Variants in LRBA observed in about 807,000 individuals in gnomAD.
The protein encoded by LRBA is LPS responsive beige-like anchor protein.
LRBA carries 176 observed loss-of-function variants against 330.0 expected under a neutral mutation model. The ratio of observed to expected loss-of-function variants is 0.53; its 90% CI spans 0.47 to 0.60. LRBA has a LOEUF of 0.60. LRBA is among the 20% of genes least tolerant of loss of function. The probability of loss-of-function intolerance (pLI) is 0.00; values close to 1 mark genes in which losing one functional copy is unlikely to be tolerated. For missense variants in LRBA, 3,259 were observed against 3,444.8 expected (o/e 0.95, Z 1.35); for synonymous variants, 1,230 against 1,193.0 (o/e 1.03, Z -0.64).
intron 48 of LRBA, among the ~76,000 whole-genome samples, chr4:150,331,938 A>G (rs1459581074): frequency 1.3e-5 from 2 of 152,164 alleles, no homozygotes; most frequent in Admixed American, 6.5e-5. Context: ...TCTGTGCCTT[A>G]ATTTCCTCTT....
intron 47 of LRBA, among the ~76,000 whole-genome samples, chr4:150,402,107 G>A (rs372573767): frequency 1.3e-5 from 2 of 148,298 alleles, no homozygotes; most frequent in East Asian, 2.0e-4. Context: ...TGACTAACAC[G>A]GTGAAATGCC....
chr4:150,264,903 G>A lies in LRBA; in HGVS notation c.*819C>T, dbSNP rs879784147. ...CTATTTGCAAACCCGGGGAGGGAAGGGGGTGCCCCAACAAAACAACAGTGG... is the reference window on the plus strand; with the variant it reads ...CTATTTGCAAACCCGGGGAGGGAAGAGGGTGCCCCAACAAAACAACAGTGG... On this transcript the variant is annotated 3_prime_UTR_variant, in exon 57 of 57. Transcript: ENST00000651943. 2 of 37,916 alleles carry A rather than the reference G, an allele frequency of 5.3e-5. No individual in the cohort carries two copies. Among genetic ancestry groups the A allele is most frequent in the South Asian group, 3.3e-3 (2 of 610 alleles). 2.3% of individuals were successfully genotyped at this position (37,916 alleles called of 1,614,324 possible).
rs1046372775 is a variant in LRBA, at chr4:150,916,187, G to C, written c.894+214C>G. ...TAAATGCCGTAGATATTTCCTACTT[G>C]TATCTCCCTTAATCTCCATAAATAA... On this transcript the variant is annotated intron_variant, in intron 7 of 56. Transcript: ENST00000651943. 3.3e-5 allele frequency among the ~76,000 whole-genome samples: 5 copies of C among 152,074 alleles called. No homozygotes were observed. The South Asian group carries it at 1.0e-3, about 32-fold the overall frequency.
chr4:150,783,209 A>G (rs2126603508), intron 34 of LRBA, among the ~76,000 whole-genome samples: 1 of 152,298 alleles, frequency 6.6e-6, no homozygotes, highest in Admixed American at 6.5e-5. Flanking sequence ...GTTCTCCCTC[A>G]TTATTTTACT....
intron 44 of LRBA, among the ~76,000 whole-genome samples, chr4:150,441,268 A>ATAG (rs2152004852): frequency 6.6e-6 from 1 of 152,258 alleles, no homozygotes; most frequent in Non-Finnish European, 1.5e-5. Context: ...ATAAGAACAT[A>ATAG]TAGTACTGTG....
At chr4:150,323,063 T>C (rs1163322891) in intron 49 of LRBA, among the ~76,000 whole-genome samples, 2 of 148,020 alleles carry the variant, frequency 1.4e-5, no homozygotes, top group African/African-American at 5.0e-5. Flanking sequence ...CTCATCTGAA[T>C]GTTACTAAAA....
intron 44 of LRBA, among the ~76,000 whole-genome samples, chr4:150,443,137 G>A (rs1318924562): frequency 6.6e-6 from 1 of 152,186 alleles, no homozygotes; most frequent in Admixed American, 6.5e-5. Flanking sequence ...TTGGTTACCA[G>A]CCAGTGGCAG....
chr4:150,661,831 C>A (rs1781138723), intron 37 of LRBA, among the ~76,000 whole-genome samples: 1 of 151,896 alleles, frequency 6.6e-6, no homozygotes, highest in Non-Finnish European at 1.5e-5. Context: ...CCACGTTGGC[C>A]AGGCTGGTCT....
In LRBA at chr4:150,274,631, G is replaced by A. The variant is rs183188991; in HGVS notation, c.8468+3222C>T. ...AGGGGTTATCACCACTGATCACACA[G>A]AAATACAAACTACCATCAGAGAATA... On this transcript the variant is annotated intron_variant, in intron 56 of 56. Transcript: ENST00000651943. Among the ~76,000 whole-genome samples the A allele has an allele frequency of 4.3e-3, 653 of 152,276 alleles. 3 individuals carry two copies. The highest frequency in any genetic ancestry group is 0.014 in the African/African-American group (589 of 41,548).
intron 37 of LRBA, among the ~76,000 whole-genome samples, chr4:150,681,948 T>C (rs1432925999): frequency 6.6e-6 from 1 of 152,152 alleles, no homozygotes; most frequent in East Asian, 1.9e-4. Flanking sequence ...TCAGGAAAAC[T>C]ATGTTTTCCT....
chr4:150,687,339 A>C (rs1012830468), intron 36 of LRBA, among the ~76,000 whole-genome samples: 4 of 152,052 alleles, frequency 2.6e-5, no homozygotes. Flanking sequence ...CTGTATTTGG[A>C]GGTTGAGTGG....
chr4:150,296,136 A>T (rs908357691), intron 53 of LRBA, among the ~76,000 whole-genome samples: 1 of 152,244 alleles, frequency 6.6e-6, no homozygotes, highest in Non-Finnish European at 1.5e-5. Context: ...TACCCAAATT[A>T]TTTAAAATTC....
At position 151,015,073 on chromosome 4, in the gene LRBA, A is replaced by C. The variant is rs147942859; in HGVS notation, c.-220+129T>G. The C allele has an allele frequency of 3.8e-3, 614 of 162,372 alleles. 1 individual carries two copies. Among genetic ancestry groups the C allele is most frequent in the Admixed American group, 6.2e-3 (104 of 16,696 alleles). The allele number at this position is 162,372 out of a possible 1,614,324, so 10.1% of individuals were successfully genotyped here. On this transcript the variant is annotated intron_variant, in intron 1 of 56. Transcript: ENST00000651943. ...GCTCACTCCTCCCCCACTCTCGTGC[A>C]GGTTCTAGGCGCAGGGTAACCTCTC...
chr4:150,300,338 GTTATA>G (rs1729506944), intron 53 of LRBA, among the ~76,000 whole-genome samples: 1 of 151,966 alleles, frequency 6.6e-6, no homozygotes, highest in South Asian at 2.1e-4. Flanking sequence ...TAGATGTGCT[GTTATA>G]TTATTCTTTT....
intron 2 of LRBA, among the ~76,000 whole-genome samples, chr4:150,948,576 C>G (rs1289307541): frequency 6.6e-6 from 1 of 151,824 alleles, no homozygotes; most frequent in Non-Finnish European, 1.5e-5. Context: ...GACACAAAAG[C>G]AAGATCCATA....
intron 47 of LRBA, among the ~76,000 whole-genome samples, chr4:150,350,410 A>C (rs576369567): frequency 1.4e-4 from 22 of 152,240 alleles, no homozygotes; most frequent in Middle Eastern, 3.4e-3. Context: ...TCTCTACTAA[A>C]AATACAAAAA....
At chr4:150,607,382 T>A (rs2126555382) in intron 37 of LRBA, among the ~76,000 whole-genome samples, 1 of 151,876 alleles carries the variant, frequency 6.6e-6, no homozygotes, top group African/African-American at 2.4e-5. Flanking sequence ...GATATTCAAA[T>A]ATGGGAGGTG....
intron 28 of LRBA, among the ~76,000 whole-genome samples, chr4:150,842,184 C>T (rs1749190296): frequency 6.6e-6 from 1 of 152,160 alleles, no homozygotes; most frequent in Admixed American, 6.5e-5. Context: ...GAAGGTTCTT[C>T]AAGAGCCAGA....
At chr4:150,559,524 AT>A (rs1304136740) in intron 40 of LRBA, among the ~76,000 whole-genome samples, 4 of 136,668 alleles carry the variant, frequency 2.9e-5, no homozygotes, top group African/African-American at 8.2e-5. Flanking sequence ...TCTCAAAAAA[AT>A]ATATATACAT....
Sources: gnomAD v4.1 joint callset for allele counts (sites outside exome capture counted in the v4.1 genomes callset) on GRCh38, gnomAD v4.1.1 for gene constraint, MANE v1.5 for transcripts, NCBI Gene and HGNC (gene_info 2026-07-23, HGNC 2026-07-21) for gene names.